Variants in GLIS3 observed in about 807,000 individuals in gnomAD.
The protein encoded by GLIS3 is GLIS family zinc finger 3, also known as zinc finger protein GLIS3.
GLIS3 carries 53 observed loss-of-function variants against 78.6 expected under a neutral mutation model. The observed-to-expected ratio is 0.67, with a 90% CI of 0.54 to 0.85. The LOEUF (loss-of-function observed/expected upper bound fraction) is 0.85. Among genes scored for constraint, GLIS3 ranks in the 40% least tolerant of loss-of-function variants. The probability of loss-of-function intolerance (pLI) is 0.00; values close to 1 mark genes in which losing one functional copy is unlikely to be tolerated. For synonymous variants in GLIS3, 684 were observed against 509.9 expected (o/e 1.34, Z -4.60); for missense variants, 1,703 against 1,231.1 (o/e 1.38, Z -5.74).
At chr9:4,212,201 CA>C (rs1820437725) in intron 2 of GLIS3, among the ~76,000 whole-genome samples, 1 of 152,120 alleles carries the variant, frequency 6.6e-6, no homozygotes, top group Admixed American at 6.5e-5. Flanking sequence ...GAACAAATAA[CA>C]AGGGTCATTG....
intron 6 of GLIS3, among the ~76,000 whole-genome samples, chr9:3,902,875 T>G (rs1823416204): frequency 6.6e-6 from 1 of 152,234 alleles, no homozygotes; most frequent in African/African-American, 2.4e-5. Context: ...CTTGATCAAC[T>G]GTGACGAATA....
intron 2 of GLIS3, among the ~76,000 whole-genome samples, chr9:4,128,125 T>A (rs575743074): frequency 1.3e-5 from 2 of 152,342 alleles, no homozygotes; most frequent in Admixed American, 1.3e-4. Flanking sequence ...ATTTTAACCC[T>A]TATCTTGTTC....
intron 9 of GLIS3, among the ~76,000 whole-genome samples, chr9:3,846,910 G>A (rs1230548396): frequency 2.0e-5 from 3 of 152,180 alleles, no homozygotes; most frequent in African/African-American, 7.2e-5. Context: ...AGGGCCTGGC[G>A]AGGTGGCTCA....
intron 4 of GLIS3, among the ~76,000 whole-genome samples, chr9:3,944,456 C>A (rs888064392): frequency 6.6e-5 from 10 of 152,166 alleles, no homozygotes; most frequent in African/African-American, 1.9e-4. Context: ...ATATATTATT[C>A]ATGTTATACC....
chr9:4,337,366 T>C (rs1456750955), intron 2 of GLIS3, among the ~76,000 whole-genome samples: 2 of 152,210 alleles, frequency 1.3e-5, no homozygotes, highest in African/African-American at 4.8e-5. Context: ...TTAGATAGTA[T>C]GCAGCTATTA....
intron 4 of GLIS3, among the ~76,000 whole-genome samples, chr9:4,059,161 C>T (rs1003202814): frequency 6.6e-6 from 1 of 152,146 alleles, no homozygotes; most frequent in Non-Finnish European, 1.5e-5. Flanking sequence ...TGGGATCAGG[C>T]CTTGACCTTT....
chr9:4,112,008 T>C (rs868027654), intron 4 of GLIS3, among the ~76,000 whole-genome samples: 92 of 152,334 alleles, frequency 6.0e-4, no homozygotes, highest in Middle Eastern at 3.4e-3. Flanking sequence ...TTGAAGATCA[T>C]TTTCTATTAA....
Position 3,829,406 on chromosome 9 carries a change from C to T in GLIS3, c.2560G>A (p.Val854Met). ...ACTAGGCAGTCCTCAAACGAAGGCA[C>T]CACACTGCAGGAGCTGACAGGCGGC... is the stretch of plus-strand genomic sequence containing the variant. ...IVPPVSSCSVVPSFEDCLVPT... is the reference protein window; with the variant it reads ...IVPPVSSCSVMPSFEDCLVPT... Residue 854 changes from valine (V) to methionine (M), a missense_variant, in exon 10 of 11, where the codon GTG (valine) becomes ATG (methionine). Val to Met is a conservative substitution (Grantham distance 21). Transcript: ENST00000381971. 3 of 1,614,122 alleles carry T rather than the reference C, an allele frequency of 1.9e-6. No homozygotes were observed. The highest frequency in any genetic ancestry group is 1.1e-5 in the South Asian group (1 of 91,084).
the GLIS3 span, among the ~76,000 whole-genome samples, chr9:4,433,955 G>A: frequency 1.3e-5 from 2 of 152,100 alleles, no homozygotes; most frequent in African/African-American, 4.8e-5. Flanking sequence ...AATTAGCTGG[G>A]CGTGGTGGCA....
chr9:4,032,972 G>T lies in GLIS3; in HGVS notation c.1710+84796C>A, dbSNP rs545599954. ...GGGTTCACACCATTCTGCTGCCTCA[G>T]CCTCCCGAGTAGCTGGGACTACAGG... On this transcript the variant is annotated intron_variant, in intron 4 of 10. Coordinates refer to ENST00000381971, the MANE Select transcript of GLIS3 (RefSeq NM_001042413.2). Among the ~76,000 whole-genome samples, 22 of 152,114 alleles carry T rather than the reference G, an allele frequency of 1.4e-4. No homozygotes were observed. In the East Asian group the frequency reaches 3.9e-3, roughly 27 times the overall value.
In GLIS3 at chr9:4,231,132, T is replaced by G. The variant is rs140620601; in HGVS notation, c.388+54906A>C. 1.4e-3 allele frequency among the ~76,000 whole-genome samples: 214 copies of G among 152,038 alleles called. 1 individual carries two copies. Among genetic ancestry groups the G allele is most frequent in the African/African-American group, 5.0e-3 (207 of 41,466 alleles). On this transcript the variant is annotated intron_variant, in intron 2 of 10. Transcript: ENST00000381971. Reference sequence around the variant, plus strand: ...GGATAATGAGATGAATAAAGAAGCATCCATTTAAACAATTATAAATTTATG... The same window carrying G: ...GGATAATGAGATGAATAAAGAAGCAGCCATTTAAACAATTATAAATTTATG...
intron 4 of GLIS3, among the ~76,000 whole-genome samples, chr9:4,080,980 T>C (rs555948749): frequency 7.9e-5 from 12 of 152,316 alleles, no homozygotes; most frequent in Non-Finnish European, 4.4e-5. Flanking sequence ...ACAGGGCAAC[T>C]GATTTCATGA....
At chr9:4,011,604 C>G (rs1822016206) in intron 4 of GLIS3, among the ~76,000 whole-genome samples, 1 of 152,202 alleles carries the variant, frequency 6.6e-6, no homozygotes, top group African/African-American at 2.4e-5. Context: ...CATCTACCTG[C>G]TGAATAGTGG....
the GLIS3 span, among the ~76,000 whole-genome samples, chr9:4,385,324 A>C: frequency 6.6e-6 from 1 of 152,306 alleles, no homozygotes; most frequent in Admixed American, 6.5e-5. Flanking sequence ...CAAGCAATAT[A>C]GATGTTAGAC....
rs542935067 is a variant in GLIS3, at chr9:4,187,796, T to C, written c.389-61855A>G. 2.8e-4 allele frequency among the ~76,000 whole-genome samples: 43 copies of C among 152,238 alleles called. No homozygotes were observed. In the South Asian group the frequency reaches 7.5e-3, roughly 26 times the overall value. On this transcript the variant is annotated intron_variant, in intron 2 of 10. Transcript: ENST00000381971. ...GTTCACTCATGATTTGGCTCTCTGT[T>C]TGTCTGTTATTGGTGTATAAGAATG...
chr9:4,398,341 C>G, the GLIS3 span, among the ~76,000 whole-genome samples: 13 of 152,130 alleles, frequency 8.5e-5, no homozygotes, highest in South Asian at 2.7e-3. Context: ...ATTAGGAATG[C>G]AGAGTCTCAG....
chr9:4,100,338 A>C (rs545047449), intron 4 of GLIS3, among the ~76,000 whole-genome samples: 3 of 152,326 alleles, frequency 2.0e-5, no homozygotes, highest in African/African-American at 7.2e-5. Context: ...CAAGGAAAGA[A>C]GATAAATAAC....
intron 1 of GLIS3, among the ~76,000 whole-genome samples, chr9:4,288,842 T>C (rs572208704): frequency 6.6e-6 from 1 of 152,246 alleles, no homozygotes; most frequent in Non-Finnish European, 1.5e-5. Flanking sequence ...GCCAATGGCA[T>C]GTAAGCTGAG....
intron 6 of GLIS3, among the ~76,000 whole-genome samples, chr9:3,922,194 G>T (rs1824936425): frequency 6.6e-6 from 1 of 152,160 alleles, no homozygotes; most frequent in African/African-American, 2.4e-5. Context: ...TAAGTGAAAT[G>T]CAGTGTATCT....
Sources: allele counts gnomAD v4.1 joint callset (sites outside exome capture counted in the v4.1 genomes callset), GRCh38; gene constraint gnomAD v4.1.1; transcripts MANE v1.5; gene names NCBI Gene and HGNC (gene_info 2026-07-23, HGNC 2026-07-21).